Variants in ADAMTS12 observed in about 807,000 individuals in gnomAD.
ADAMTS12 encodes the protein ADAM metallopeptidase with thrombospondin type 1 motif 12.
A neutral mutation model predicts 167.8 loss-of-function variants in ADAMTS12; 118 were observed. The observed-to-expected ratio is 0.70, with a 90% CI of 0.61 to 0.82. The LOEUF (loss-of-function observed/expected upper bound fraction) is 0.82. ADAMTS12 is among the 40% of genes least tolerant of loss of function. ADAMTS12 has a pLI of 0.00. For missense variants in ADAMTS12, 1,916 were observed against 1,998.8 expected, an observed-to-expected ratio of 0.96 and a Z score of 0.79; for synonymous variants, 704 against 716.9, an observed-to-expected ratio of 0.98 and a Z score of 0.29.
chr5:33,864,605 T>C (rs776687309), intron 2 of ADAMTS12, among the ~76,000 whole-genome samples: 7 of 152,154 alleles, frequency 4.6e-5, no homozygotes, highest in Non-Finnish European at 8.8e-5. Context: ...CCATCAATGA[T>C]AGACTGGATA....
chr5:33,849,410 C>T (rs201396328), intron 2 of ADAMTS12, among the ~76,000 whole-genome samples: 119 of 129,930 alleles, frequency 9.2e-4, no homozygotes, highest in East Asian at 3.4e-3. Flanking sequence ...ATGTATTGCA[C>T]AGCAATATAT....
chr5:33,751,190 C>T (rs992343816), intron 3 of ADAMTS12: 3 of 570,830 alleles, frequency 5.3e-6, no homozygotes, highest in East Asian at 2.9e-5. Flanking sequence ...TGCAGAGACT[C>T]GAGTATTGAC....
chr5:33,652,476 T>G (rs557399595), intron 7 of ADAMTS12, among the ~76,000 whole-genome samples: 23 of 152,234 alleles, frequency 1.5e-4, no homozygotes, highest in African/African-American at 5.5e-4. Context: ...TTAATGGGGT[T>G]GTTTATTTTT....
chr5:33,614,453 A>C (rs1579748705), intron 15 of ADAMTS12, 77 bp from the exon 16 acceptor site: 3 of 1,542,928 alleles, frequency 1.9e-6, no homozygotes, highest in East Asian at 2.3e-5. Context: ...ACACCACAAA[A>C]TGTCAGTCAT....
chr5:33,692,490 C>T (rs574164449), intron 3 of ADAMTS12, among the ~76,000 whole-genome samples: 8 of 152,268 alleles, frequency 5.3e-5, no homozygotes, highest in African/African-American at 1.7e-4. Context: ...GTTTTGCTCA[C>T]TCCTTTTACC....
chr5:33,533,400 G>A (rs1179316479), intron 23 of ADAMTS12, among the ~76,000 whole-genome samples: 2 of 152,168 alleles, frequency 1.3e-5, no homozygotes, highest in Non-Finnish European at 2.9e-5. Flanking sequence ...CTAGAACGAG[G>A]TGCTTCTCAA....
At chr5:33,888,769 TG>T (rs548834272) in intron 1 of ADAMTS12, among the ~76,000 whole-genome samples, 131 of 152,318 alleles carry the variant, frequency 8.6e-4, no homozygotes, top group Non-Finnish European at 1.5e-3. Flanking sequence ...ACACGCAGCA[TG>T]TTGTGTGCAA....
At chr5:33,768,079 G>A (rs1289170152) in intron 2 of ADAMTS12, among the ~76,000 whole-genome samples, 1 of 152,156 alleles carries the variant, frequency 6.6e-6, no homozygotes, top group Non-Finnish European at 1.5e-5. Flanking sequence ...GCCCTGGGGA[G>A]GCAACCATTC....
chr5:33,602,746 A>C (rs1023472277), intron 16 of ADAMTS12, among the ~76,000 whole-genome samples: 2 of 152,220 alleles, frequency 1.3e-5, no homozygotes, highest in African/African-American at 4.8e-5. Flanking sequence ...GCATGGTTAC[A>C]CTGAGCTTCA....
intron 3 of ADAMTS12, among the ~76,000 whole-genome samples, chr5:33,712,418 G>A (rs1464164148): frequency 6.6e-6 from 1 of 152,110 alleles, no homozygotes; most frequent in Non-Finnish European, 1.5e-5. Context: ...TGGGCAGGGA[G>A]AAGAACTGCA....
chr5:33,574,359 A>C (rs187662791), intron 19 of ADAMTS12, among the ~76,000 whole-genome samples: 16 of 152,180 alleles, frequency 1.1e-4, no homozygotes, highest in Admixed American at 9.8e-4. Flanking sequence ...AATGTCCAAC[A>C]ATGATAGATC....
At position 33,778,507 on chromosome 5, in the gene ADAMTS12, T is replaced by C. The variant is rs76470028; in HGVS notation, c.490-26959A>G. 8.5e-3 allele frequency among the ~76,000 whole-genome samples: 1,291 copies of C among 152,240 alleles called. 14 individuals are homozygous for C. Among genetic ancestry groups the C allele is most frequent in the African/African-American group, 0.03 (1,240 of 41,538 alleles). On this transcript the variant is annotated intron_variant, in intron 2 of 23. Transcript: ENST00000504830. ...AAAACTGAAGCCTTATCTCATACCA[T>C]ATACAAAAATTAACTCGAAATGGAT...
At chr5:33,612,220 T>C (rs2112086768) in intron 16 of ADAMTS12, among the ~76,000 whole-genome samples, 1 of 152,314 alleles carries the variant, frequency 6.6e-6, no homozygotes, top group South Asian at 2.1e-4. Context: ...ATGTGAGCAT[T>C]GTGATCTTTC....
intron 5 of ADAMTS12, among the ~76,000 whole-genome samples, chr5:33,672,077 A>G (rs1232990208): frequency 2.9e-5 from 1 of 34,906 alleles, no homozygotes; most frequent in Non-Finnish European, 8.1e-5. Context: ...ACAAACCCAC[A>G]TACATACACA....
chr5:33,524,660 G>A lies in ADAMTS12; in HGVS notation c.*2528C>T, dbSNP rs899372640. ...AAGCACTGGGACATGTCAAAATACT[G>A]ACGACTCATCACTGAGTGATCGCCA... On this transcript the variant is annotated 3_prime_UTR_variant, in exon 24 of 24. Coordinates refer to ENST00000504830, the MANE Select transcript of ADAMTS12 (RefSeq NM_030955.4). 12 of 152,174 alleles carry A rather than the reference G, an allele frequency of 7.9e-5. No individual in the cohort carries two copies. The highest frequency in any genetic ancestry group is 2.1e-4 in the South Asian group (1 of 4,824). 9.4% of individuals were successfully genotyped at this position (152,174 alleles called of 1,614,324 possible). A position where few individuals can be genotyped will look rare whatever the true frequency, so the allele number is the denominator to read the frequency against.
chr5:33,788,328 T>C (rs1316824509), intron 2 of ADAMTS12, among the ~76,000 whole-genome samples: 2 of 151,868 alleles, frequency 1.3e-5, no homozygotes. Flanking sequence ...AAGTTCAAGG[T>C]GAGAAATTTA....
At chr5:33,579,119 T>C (rs998249972) in intron 18 of ADAMTS12, among the ~76,000 whole-genome samples, 6 of 152,220 alleles carry the variant, frequency 3.9e-5, no homozygotes, top group Admixed American at 1.3e-4. Context: ...TTTATCTTCC[T>C]GGTTTGCTGC....
intron 6 of ADAMTS12, among the ~76,000 whole-genome samples, chr5:33,659,042 C>T (rs1179234898): frequency 6.6e-6 from 1 of 152,160 alleles, no homozygotes; most frequent in Non-Finnish European, 1.5e-5. Context: ...AAAAGGAGCT[C>T]TTTGCCAAGA....
chr5:33,665,875 G>A (rs558092630), intron 5 of ADAMTS12, among the ~76,000 whole-genome samples: 1 of 152,312 alleles, frequency 6.6e-6, no homozygotes, highest in South Asian at 2.1e-4. Context: ...GGAAGATGAG[G>A]CAGGAAAATG....
Sources: gnomAD v4.1 joint callset for allele counts (sites outside exome capture counted in the v4.1 genomes callset) on GRCh38, gnomAD v4.1.1 for gene constraint, MANE v1.5 for transcripts, NCBI Gene and HGNC (gene_info 2026-07-23, HGNC 2026-07-21) for gene names.